Variants in ZDHHC14 observed in about 807,000 individuals in gnomAD.
ZDHHC14 encodes zDHHC palmitoyltransferase 14, also known as palmitoyltransferase ZDHHC14.
In ZDHHC14, 16 loss-of-function variants were observed where a neutral mutation model predicts 47.7. The observed-to-expected ratio is 0.34, with a 90% CI of 0.23 to 0.51. ZDHHC14 has a LOEUF of 0.51. Ranked by LOEUF, ZDHHC14 falls within the 20% of genes least tolerant of loss-of-function variation. The pLI, the probability that ZDHHC14 is intolerant of heterozygous loss-of-function variation, is 0.97. For synonymous variants in ZDHHC14, 293 were observed against 278.9 expected, an observed-to-expected ratio of 1.05 and a Z score of -0.50; for missense variants, 515 against 662.5, an observed-to-expected ratio of 0.78 and a Z score of 2.44.
At chr6:157,569,173 T>C (rs1408113749) in intron 2 of ZDHHC14, among the ~76,000 whole-genome samples, 1 of 151,826 alleles carries the variant, frequency 6.6e-6, no homozygotes, top group Non-Finnish European at 1.5e-5. Flanking sequence ...ATATAAAAAT[T>C]TAAAAACCCG....
At chr6:157,522,972 T>TCC (rs1408699655) in intron 1 of ZDHHC14, among the ~76,000 whole-genome samples, 294 of 36,682 alleles carry the variant, frequency 8.0e-3, no homozygotes, top group African/African-American at 0.032. Context: ...TTTCTTTTCT[T>TCC]TTCTTTTCTT....
chr6:157,424,203 G>A (rs1005602865), intron 1 of ZDHHC14, among the ~76,000 whole-genome samples: 1 of 151,978 alleles, frequency 6.6e-6, no homozygotes, highest in Admixed American at 6.5e-5. Flanking sequence ...TCTGAAAAAT[G>A]TGTTGAAAAG....
At chr6:157,581,922 G>T (rs1275873437) in intron 2 of ZDHHC14, among the ~76,000 whole-genome samples, 1 of 151,754 alleles carries the variant, frequency 6.6e-6, no homozygotes, top group Non-Finnish European at 1.5e-5. Flanking sequence ...TTTAAACAGG[G>T]TCTTGCACTG....
At chr6:157,621,546 C>A (rs751412828) in intron 3 of ZDHHC14, among the ~76,000 whole-genome samples, 2 of 152,146 alleles carry the variant, frequency 1.3e-5, no homozygotes, top group African/African-American at 2.4e-5. Flanking sequence ...GCTGAGCCAC[C>A]GTCTGCCAAG....
intron 1 of ZDHHC14, among the ~76,000 whole-genome samples, chr6:157,455,604 G>T (rs1202979023): frequency 6.6e-6 from 1 of 152,196 alleles, no homozygotes; most frequent in Non-Finnish European, 1.5e-5. Context: ...GTTACAGTGA[G>T]CTGGGGGTCC....
chr6:157,515,555 CCGAGTTCACGCCA>C (rs900343439), intron 1 of ZDHHC14, among the ~76,000 whole-genome samples: 3 of 151,450 alleles, frequency 2.0e-5, no homozygotes, highest in Non-Finnish European at 2.9e-5. Flanking sequence ...GCTCCGCCTC[CCGAGTTCACGCCA>C]TTCTCCTGCC....
chr6:157,453,788 T>TTTTTTTTTTTTTTTTGTG (rs3220439), intron 1 of ZDHHC14, among the ~76,000 whole-genome samples: 1 of 148,098 alleles, frequency 6.8e-6, no homozygotes, highest in African/African-American at 2.5e-5. Context: ...TTTTTGTGTT[T>TTTTTTTTTTTTTTTTGTG]TGTGTGTGTG....
intron 5 of ZDHHC14, among the ~76,000 whole-genome samples, chr6:157,634,259 C>A (rs943311570): frequency 3.3e-5 from 5 of 151,972 alleles, no homozygotes; most frequent in Non-Finnish European, 5.9e-5. Flanking sequence ...GGGCCTGGGA[C>A]ATAAGGAAGA....
chr6:157,542,552 C>T lies in ZDHHC14; in HGVS notation c.246-33C>T, dbSNP rs758307976. 16 of 1,597,578 alleles carry T rather than the reference C, an allele frequency of 1.0e-5. No homozygotes were observed. In the East Asian group the frequency reaches 3.2e-4, roughly 32 times the overall value. ...CTAACATTGTATTTCCTTTCTTTTC[C>T]CCTTCTCTCCGGTCTGTCCAACCTG... On this transcript the variant is annotated intron_variant, in intron 1 of 8. Coordinates refer to ENST00000359775, the MANE Select transcript of ZDHHC14 (RefSeq NM_024630.3).
intron 1 of ZDHHC14, among the ~76,000 whole-genome samples, chr6:157,459,933 C>T (rs376143375): frequency 1.8e-4 from 27 of 150,872 alleles, no homozygotes; most frequent in Non-Finnish European, 2.5e-4. Context: ...AAAATTAGGC[C>T]GGGCGTGGTG....
At chr6:157,547,179 C>T (rs753029786) in intron 2 of ZDHHC14, among the ~76,000 whole-genome samples, 5 of 152,228 alleles carry the variant, frequency 3.3e-5, no homozygotes, top group East Asian at 1.9e-4. Flanking sequence ...CGTGTGTGCA[C>T]GCACGTGCAC....
intron 2 of ZDHHC14, among the ~76,000 whole-genome samples, chr6:157,560,145 C>T (rs188444804): frequency 4.6e-4 from 70 of 152,284 alleles, no homozygotes; most frequent in African/African-American, 1.2e-3. Context: ...GTCATGCCCA[C>T]GGAAAGAGGC....
intron 1 of ZDHHC14, among the ~76,000 whole-genome samples, chr6:157,516,873 C>T (rs1195807424): frequency 6.6e-6 from 1 of 152,182 alleles, no homozygotes; most frequent in Non-Finnish European, 1.5e-5. Context: ...AAACCTGTTC[C>T]CATGGTATCT....
intron 2 of ZDHHC14, among the ~76,000 whole-genome samples, chr6:157,558,411 G>T (rs774854300): frequency 6.6e-6 from 1 of 152,158 alleles, no homozygotes; most frequent in Non-Finnish European, 1.5e-5. Context: ...CACCCAGAGC[G>T]CCCACAGGTA....
At chr6:157,618,327 AT>A (rs112996332) in intron 3 of ZDHHC14, among the ~76,000 whole-genome samples, 84 of 146,570 alleles carry the variant, frequency 5.7e-4, no homozygotes, top group East Asian at 1.2e-3. Context: ...CACATGACTG[AT>A]TTTTTTTTTT....
chr6:157,599,460 C>G (rs926114534), intron 3 of ZDHHC14, among the ~76,000 whole-genome samples: 1 of 152,204 alleles, frequency 6.6e-6, no homozygotes, highest in Non-Finnish European at 1.5e-5. Flanking sequence ...TGTTTTGTTT[C>G]CACGCCCAAG....
rs962550891 is a variant in ZDHHC14 at position 157,621,547 on chromosome 6, G to T, written c.566-6802G>T. 5.3e-5 allele frequency among the ~76,000 whole-genome samples: 8 copies of T among 152,212 alleles called. No homozygotes were observed. In the East Asian group the frequency reaches 1.5e-3, roughly 29 times the overall value. On this transcript the variant is annotated intron_variant, in intron 3 of 8. Transcript: ENST00000359775. Reference sequence around the variant, plus strand: ...CACATCCTGACCAAGCTGAGCCACCGTCTGCCAAGAGCCTGTGACCGCTGC... The same window carrying T: ...CACATCCTGACCAAGCTGAGCCACCTTCTGCCAAGAGCCTGTGACCGCTGC...
chr6:157,653,147 C>T (rs1186259782), intron 7 of ZDHHC14, among the ~76,000 whole-genome samples: 1 of 152,116 alleles, frequency 6.6e-6, no homozygotes, highest in Non-Finnish European at 1.5e-5. Flanking sequence ...CTCGAAACAA[C>T]GTTTGCTGAG....
intron 1 of ZDHHC14, among the ~76,000 whole-genome samples, chr6:157,514,767 G>A (rs1452915520): frequency 6.6e-6 from 1 of 152,190 alleles, no homozygotes; most frequent in Non-Finnish European, 1.5e-5. Context: ...CTGGGCGGTG[G>A]GGAGTGGGTG....
Sources: allele counts gnomAD v4.1 joint callset (sites outside exome capture counted in the v4.1 genomes callset), GRCh38; gene constraint gnomAD v4.1.1; transcripts MANE v1.5; gene names NCBI Gene and HGNC (gene_info 2026-07-23, HGNC 2026-07-21).